AFF2: variants seen among roughly 807,000 people sequenced by gnomAD.
AFF2 encodes ALF transcription elongation factor 2.
Under a neutral mutation model 76.9 loss-of-function variants are expected in AFF2, and 14 were observed. That is an observed-to-expected ratio of 0.18 (90% CI 0.12 to 0.28). AFF2 has a LOEUF of 0.28. Among genes scored for constraint, AFF2 ranks in the 10% least tolerant of loss-of-function variants. The pLI, the probability that AFF2 is intolerant of heterozygous loss-of-function variation, is 1.00. For missense variants in AFF2, 868 were observed against 1,001.1 expected (o/e 0.87, Z 1.79); for synonymous variants, 398 against 366.7 (o/e 1.09, Z -0.98).
At chrX:148,787,465 A>G (rs914478218) in intron 3 of AFF2, among the ~76,000 whole-genome samples, 6 of 112,345 alleles carry the variant, frequency 5.3e-5, no homozygotes, top group African/African-American at 9.7e-5. Flanking sequence ...AAATGTATGT[A>G]ATTTGTAAGA....
At chrX:148,794,161 AGG>A (rs1296460348) in intron 3 of AFF2, among the ~76,000 whole-genome samples, 1 of 111,567 alleles carries the variant, frequency 9.0e-6, no homozygotes, top group East Asian at 2.8e-4. Context: ...TAAAGATGGA[AGG>A]GTTGCCCCTG....
intron 1 of AFF2, among the ~76,000 whole-genome samples, chrX:148,619,864 T>C (rs1479977162): frequency 8.9e-6 from 1 of 112,287 alleles, no homozygotes; most frequent in Non-Finnish European, 1.9e-5. Flanking sequence ...TTCTGTGTGA[T>C]CTACCAGCAT....
At chrX:148,668,174 T>C (rs1053832272) in intron 3 of AFF2, among the ~76,000 whole-genome samples, 21 of 113,240 alleles carry the variant, frequency 1.9e-4, no homozygotes, top group African/African-American at 6.7e-4. Flanking sequence ...TGACTCCATG[T>C]CTCACATCCA....
chrX:148,717,674 A>T (rs1359529761), intron 3 of AFF2, among the ~76,000 whole-genome samples: 1 of 111,805 alleles, frequency 8.9e-6, no homozygotes, highest in Non-Finnish European at 1.9e-5. Flanking sequence ...TGAGCTGCAA[A>T]CATACCAGGT....
At chrX:148,913,672 A>G (rs2071495921) in intron 9 of AFF2, among the ~76,000 whole-genome samples, 1 of 112,017 alleles carries the variant, frequency 8.9e-6, no homozygotes, top group Admixed American at 9.5e-5. Flanking sequence ...GAACTAAACC[A>G]TGTTATTTTT....
intron 1 of AFF2, among the ~76,000 whole-genome samples, chrX:148,608,754 T>A (rs2053698557): frequency 9.0e-6 from 1 of 111,055 alleles, no homozygotes; most frequent in Non-Finnish European, 1.9e-5. Flanking sequence ...TTTAAACACT[T>A]CCTCAGACAT....
intron 1 of AFF2, among the ~76,000 whole-genome samples, chrX:148,505,301 A>G (rs1398270284): frequency 8.9e-6 from 1 of 112,213 alleles, no homozygotes; most frequent in Admixed American, 9.4e-5. Context: ...ACATCTTAAG[A>G]GGCACATCTA....
At chrX:148,540,390 A>G (rs1400006018) in intron 1 of AFF2, among the ~76,000 whole-genome samples, 2 of 99,357 alleles carry the variant, frequency 2.0e-5, no homozygotes, top group African/African-American at 3.9e-5. Context: ...GTTGTGGCTG[A>G]CCAGCTAAAA....
chrX:148,551,655 G>C (rs954177339), intron 1 of AFF2, among the ~76,000 whole-genome samples: 1 of 110,862 alleles, frequency 9.0e-6, no homozygotes, highest in Non-Finnish European at 1.9e-5. Context: ...CCTCTCTTTT[G>C]GAGAGCACCT....
intron 3 of AFF2, among the ~76,000 whole-genome samples, chrX:148,809,381 G>A (rs1435843416): frequency 1.8e-5 from 2 of 112,083 alleles, no homozygotes; most frequent in Non-Finnish European, 3.8e-5. Flanking sequence ...ATACTTCTGA[G>A]ACTTTTTCTA....
chrX:148,514,013 TTTAA>T (rs1311276612), intron 1 of AFF2, among the ~76,000 whole-genome samples: 1 of 111,863 alleles, frequency 8.9e-6, no homozygotes, highest in Non-Finnish European at 1.9e-5. Context: ...TTTATTGAAC[TTTAA>T]TTAATTAATT....
intron 9 of AFF2, among the ~76,000 whole-genome samples, chrX:148,951,679 A>G (rs2071970226): frequency 8.9e-6 from 1 of 111,769 alleles, no homozygotes; most frequent in African/African-American, 3.3e-5. Context: ...CTCAATCTTT[A>G]TTTAGTAACC....
chrX:148,844,148 T>C (rs2070636888), intron 7 of AFF2, among the ~76,000 whole-genome samples: 1 of 112,049 alleles, frequency 8.9e-6, no homozygotes, highest in Admixed American at 9.5e-5. Flanking sequence ...GCTAAAGACA[T>C]TATTTTACAC....
At chrX:148,843,100 A>G in intron 6 of AFF2, 98 bp downstream of exon 6, 3 of 652,393 alleles carry the variant, frequency 4.6e-6, no homozygotes, top group Non-Finnish European at 7.0e-6. Context: ...AACATGAAAG[A>G]ACAACAATAA....
intron 4 of AFF2, chrX:148,822,154 A>G (rs1355846419): frequency 7.2e-5 from 8 of 111,745 alleles, no homozygotes; most frequent in African/African-American, 2.6e-4. Flanking sequence ...TCCATTGCCA[A>G]TTTCTTTTTA....
chrX:148,523,529 G>A (rs937480353), intron 1 of AFF2, among the ~76,000 whole-genome samples: 1 of 112,085 alleles, frequency 8.9e-6, no homozygotes, highest in African/African-American at 3.2e-5. Flanking sequence ...ATTATATACC[G>A]TGTTGTTCAA....
chrX:148,971,827 G>C (rs2072263519), intron 15 of AFF2, among the ~76,000 whole-genome samples: 2 of 43,570 alleles, frequency 4.6e-5, no homozygotes, highest in Admixed American at 6.0e-4. Context: ...CATTGTGCAG[G>C]TTAGTTACAT....
At chrX:148,605,587 C>A (rs1042279046) in intron 1 of AFF2, among the ~76,000 whole-genome samples, 4 of 111,556 alleles carry the variant, frequency 3.6e-5, no homozygotes, top group Non-Finnish European at 7.5e-5. Context: ...GAGTCCGGCA[C>A]TGGGGCCAGA....
At chrX:148,926,036 T>A (rs1330897763) in intron 9 of AFF2, among the ~76,000 whole-genome samples, 1 of 112,287 alleles carries the variant, frequency 8.9e-6, no homozygotes, top group African/African-American at 3.2e-5. Flanking sequence ...ATTCTATGTG[T>A]ACAAAAATCC....
Sources: gnomAD v4.1 joint callset for allele counts (sites outside exome capture counted in the v4.1 genomes callset) on GRCh38, gnomAD v4.1.1 for gene constraint, MANE v1.5 for transcripts, NCBI Gene and HGNC (gene_info 2026-07-23, HGNC 2026-07-21) for gene names.